B3GALNT2: variants seen among roughly 807,000 people sequenced by gnomAD.
B3GALNT2 encodes UDP-GalNAc:beta-1,3-N-acetylgalactosaminyltransferase 2.
In B3GALNT2, 53 loss-of-function variants were observed where a neutral mutation model predicts 61.1. That is an observed-to-expected ratio of 0.87 (90% CI 0.70 to 1.09). The LOEUF (loss-of-function observed/expected upper bound fraction) is 1.09, where lower values mean the gene tolerates loss of function less well. B3GALNT2 is among the 50% of genes least tolerant of loss of function. The pLI is 0.00. For synonymous variants in B3GALNT2, 223 were observed against 237.4 expected (o/e 0.94, Z 0.56); for missense variants, 544 against 623.0 (o/e 0.87, Z 1.35).
intron 5 of B3GALNT2, among the ~76,000 whole-genome samples, chr1:235,475,218 G>C (rs548891580): frequency 2.6e-4 from 40 of 151,224 alleles, no homozygotes; most frequent in Admixed American, 6.6e-4. Context: ...AGGATGGTCT[G>C]GATTTCCTGA....
At chr1:235,472,290 T>C (rs1203139793) in intron 5 of B3GALNT2, among the ~76,000 whole-genome samples, 2 of 152,200 alleles carry the variant, frequency 1.3e-5, no homozygotes, top group Non-Finnish European at 2.9e-5. Context: ...GAGAGAGCTA[T>C]GCCCCCCTGT....
intron 6 of B3GALNT2, 47 bp from the exon 7 acceptor site, chr1:235,465,761 C>T (rs376023245): frequency 6.3e-6 from 10 of 1,593,088 alleles, no homozygotes; most frequent in Non-Finnish European, 8.6e-6. Flanking sequence ...TAAAAATACA[C>T]TGATCATATT....
At chr1:235,463,892 G>A (rs909456158) in intron 7 of B3GALNT2, 3 of 152,132 alleles carry the variant, frequency 2.0e-5, no homozygotes, top group South Asian at 4.1e-4. Flanking sequence ...TTACTAAAAA[G>A]CTACATAATC....
At chr1:235,475,002 T>A (rs1684202482) in intron 5 of B3GALNT2, among the ~76,000 whole-genome samples, 1 of 106,772 alleles carries the variant, frequency 9.4e-6, no homozygotes, top group Admixed American at 9.9e-5. Context: ...TTTTTTTTTT[T>A]TTTTTTTTGA....
At chr1:235,453,953 C>G (rs530558481) in intron 10 of B3GALNT2, among the ~76,000 whole-genome samples, 1 of 152,176 alleles carries the variant, frequency 6.6e-6, no homozygotes, top group East Asian at 1.9e-4. Flanking sequence ...TGAGATGAAA[C>G]TTGGTGTGAT....
At chr1:235,471,890 T>C (rs1010896579) in intron 5 of B3GALNT2, among the ~76,000 whole-genome samples, 1 of 152,052 alleles carries the variant, frequency 6.6e-6, no homozygotes, top group Admixed American at 6.5e-5. Context: ...CTGGAACTCC[T>C]GACCTCAAGT....
At chr1:235,473,538 ATG>A (rs1684104086) in intron 5 of B3GALNT2, among the ~76,000 whole-genome samples, 1 of 152,216 alleles carries the variant, frequency 6.6e-6, no homozygotes, top group African/African-American at 2.4e-5. Context: ...GATGGAGACA[ATG>A]TTACCATTAG....
At chr1:235,495,034 C>A (rs924492447) in intron 1 of B3GALNT2, among the ~76,000 whole-genome samples, 1 of 152,090 alleles carries the variant, frequency 6.6e-6, no homozygotes, top group Non-Finnish European at 1.5e-5. Flanking sequence ...TTGTCTTTCA[C>A]GTATATATGT....
In B3GALNT2 at chr1:235,447,467, G is replaced by A. The variant is rs187514713; in HGVS notation, c.*2739C>T. On this transcript the variant is annotated 3_prime_UTR_variant, in exon 12 of 12. Transcript: ENST00000366600. ...TCTGAACAAACCAAAGCATTTACTC[G>A]GAAGTTACATTCCCATGCCTGGCAG... is the stretch of plus-strand genomic sequence containing the variant. Among the ~76,000 whole-genome samples, 11 of 152,238 alleles carry A rather than the reference G, an allele frequency of 7.2e-5. No individual in the cohort carries two copies. The East Asian group carries it at 7.7e-4, about 11-fold the overall frequency.
At chr1:235,455,499 T>C in intron 9 of B3GALNT2, 60 bp downstream of exon 9, 1 of 1,535,552 alleles carries the variant, frequency 6.5e-7, no homozygotes, top group Admixed American at 1.9e-5. Flanking sequence ...TATTTTATGC[T>C]TTATTAATTA....
At chr1:235,465,825 G>T in intron 6 of B3GALNT2, 111 bp from the exon 7 acceptor site, 1 of 1,252,890 alleles carries the variant, frequency 8.0e-7, no homozygotes, top group Non-Finnish European at 1.1e-6. Flanking sequence ...GCAGATAAAT[G>T]CATGTAAGAT....
Position 235,448,389 on chromosome 1 carries a change from T to C in B3GALNT2, c.*1817A>G. On this transcript the variant is annotated 3_prime_UTR_variant, in exon 12 of 12. Transcript: ENST00000366600. ...AAAAGGTGAAGGGATTGCTGTCACG[T>C]CTTCTCAAAGTTCCTGTGTCAGACC... is the stretch of plus-strand genomic sequence containing the variant. 6.2e-7 allele frequency: 1 copy of C among 1,614,140 alleles called. No homozygotes were observed. Among genetic ancestry groups the C allele is most frequent in the South Asian group, 1.1e-5 (1 of 91,088 alleles).
At chr1:235,441,091 G>A in the B3GALNT2 span, 2 of 152,636 alleles carry the variant, frequency 1.3e-5, no homozygotes, top group African/African-American at 2.4e-5. Context: ...CACGCTCGGT[G>A]AATTCTAAAT....
At chr1:235,470,792 T>C (rs1683957497) in intron 6 of B3GALNT2, 58 bp downstream of exon 6, 2 of 1,581,408 alleles carry the variant, frequency 1.3e-6, no homozygotes, top group Non-Finnish European at 8.6e-7. Context: ...TTAGAACAAT[T>C]TTATATATTA....
chr1:235,469,061 C>T (rs779823543), intron 6 of B3GALNT2, among the ~76,000 whole-genome samples: 1 of 152,138 alleles, frequency 6.6e-6, no homozygotes, highest in Non-Finnish European at 1.5e-5. Context: ...AAATGTATAA[C>T]TACATATGAA....
At chr1:235,476,469 T>C (rs1333224562) in intron 5 of B3GALNT2, among the ~76,000 whole-genome samples, 1 of 151,442 alleles carries the variant, frequency 6.6e-6, no homozygotes, top group African/African-American at 2.4e-5. Context: ...CCTGTAATCC[T>C]AGACCTTTGG....
At position 235,503,991 on chromosome 1, in the gene B3GALNT2, C is replaced by A. The variant is rs1572574370; in HGVS notation, c.112+150G>T. On this transcript the variant is annotated intron_variant, in intron 1 of 11. Transcript: ENST00000366600. ...TCAAGTTTGCCCGATGTTAACGCTC[C>A]AAGGATGAAAAGAGCCGTTTGTTTC... is the stretch of plus-strand genomic sequence containing the variant. 5.6e-6 allele frequency: 5 copies of A among 900,544 alleles called. No individual in the cohort carries two copies. In the Middle Eastern group the frequency reaches 1.3e-3, roughly 226 times the overall value. The allele number at this position is 900,544 out of a possible 1,614,324, so 55.8% of individuals were successfully genotyped here.
chr1:235,449,874 T>TTA lies in B3GALNT2; in HGVS notation c.*330_*331dup, dbSNP rs1682788652. On this transcript the variant is annotated 3_prime_UTR_variant, in exon 12 of 12. Transcript: ENST00000366600. ...ACAGATTTCTGAACTAGGCCAAGTT[T>TTA]TAACCAAAAACTATAGGTAATGGTG... 3 of 201,572 alleles carry TTA rather than the reference T, an allele frequency of 1.5e-5. No homozygotes were observed. The highest frequency in any genetic ancestry group is 3.1e-5 in the Non-Finnish European group (3 of 97,346). 12.5% of individuals were successfully genotyped at this position (201,572 alleles called of 1,614,324 possible). A position where few individuals can be genotyped will look rare whatever the true frequency, so the allele number is the denominator to read the frequency against.
chr1:235,498,225 T>C (rs1260485926), intron 1 of B3GALNT2, among the ~76,000 whole-genome samples: 1 of 152,210 alleles, frequency 6.6e-6, no homozygotes, highest in Non-Finnish European at 1.5e-5. Flanking sequence ...TAGCTCCCTT[T>C]ACCAATCTGG....
Sources: gnomAD v4.1 joint callset for allele counts (sites outside exome capture counted in the v4.1 genomes callset) on GRCh38, gnomAD v4.1.1 for gene constraint, MANE v1.5 for transcripts, NCBI Gene and HGNC (gene_info 2026-07-23, HGNC 2026-07-21) for gene names.